ITPK1: variants seen among roughly 807,000 people sequenced by gnomAD.
ITPK1 encodes the protein inositol-tetrakisphosphate 1-kinase, also known as inositol 1,3,4-trisphosphate 5/6-kinase.
A neutral mutation model predicts 45.3 loss-of-function variants in ITPK1; 21 were observed. The observed-to-expected ratio is 0.46, with a 90% CI of 0.33 to 0.67. ITPK1 has a LOEUF of 0.67. Ranked by LOEUF, ITPK1 falls within the 30% of genes least tolerant of loss-of-function variation. ITPK1 has a pLI of 0.02. For missense variants in ITPK1, 474 were observed against 573.5 expected, an observed-to-expected ratio of 0.83 and a Z score of 1.77; for synonymous variants, 258 against 253.6, an observed-to-expected ratio of 1.02 and a Z score of -0.16.
chr14:93,115,192 C>T lies in ITPK1; in HGVS notation c.-29G>A. ...CCTCCTCGGGCGGGGAGCCTGGGTC[C>T]GGAGGAAATCGCCCACAGGCCGAGT... On this transcript the variant is annotated 5_prime_UTR_variant, in exon 2 of 11. Coordinates refer to ENST00000267615, the MANE Select transcript of ITPK1 (RefSeq NM_014216.6). 3 of 1,517,816 alleles carry T rather than the reference C, an allele frequency of 2.0e-6. No individual in the cohort carries two copies. The highest frequency in any genetic ancestry group is 2.7e-6 in the Non-Finnish European group (3 of 1,103,128). 94.0% of individuals were successfully genotyped at this position (1,517,816 alleles called of 1,614,324 possible). A position where few individuals can be genotyped will look rare whatever the true frequency, so the allele number is the denominator to read the frequency against.
chr14:92,964,748 G>GC (rs370043450), intron 5 of ITPK1, among the ~76,000 whole-genome samples: 33 of 152,270 alleles, frequency 2.2e-4, no homozygotes, highest in African/African-American at 6.0e-4. Context: ...ACTCCCTGTG[G>GC]CCCCCCGGAG....
At chr14:93,015,201 A>C (rs1888115562) in intron 4 of ITPK1, among the ~76,000 whole-genome samples, 1 of 152,192 alleles carries the variant, frequency 6.6e-6, no homozygotes, top group Non-Finnish European at 1.5e-5. Flanking sequence ...CTCACCTGAG[A>C]AAGTCAAGAC....
chr14:93,082,875 G>T (rs2139993762), intron 2 of ITPK1, among the ~76,000 whole-genome samples: 1 of 152,334 alleles, frequency 6.6e-6, no homozygotes. Context: ...GGCCAAGAGG[G>T]CTCCAGGAGG....
At position 93,115,216 on chromosome 14, in the gene ITPK1, G is replaced by C. The variant is rs1892893758; in HGVS notation, c.-53C>G. 3.7e-6 allele frequency: 5 copies of C among 1,347,646 alleles called. No individual in the cohort carries two copies. Among genetic ancestry groups the C allele is most frequent in the Middle Eastern group, 1.8e-4 (1 of 5,574 alleles). The allele number at this position is 1,347,646 out of a possible 1,614,324, so 83.5% of individuals were successfully genotyped here. On this transcript the variant is annotated 5_prime_UTR_variant, in exon 2 of 11. Coordinates refer to ENST00000267615, the MANE Select transcript of ITPK1 (RefSeq NM_014216.6). ...CCGGAGGAAATCGCCCACAGGCCGA[G>C]TCTGGCGGCCGGCGCGCGCCGCGAG... is the stretch of plus-strand genomic sequence containing the variant.
intron 2 of ITPK1, among the ~76,000 whole-genome samples, chr14:93,114,785 C>A (rs1213404081): frequency 6.6e-6 from 1 of 152,222 alleles, no homozygotes; most frequent in Non-Finnish European, 1.5e-5. Flanking sequence ...CTCAGTAGAA[C>A]TCCCACCGCG....
chr14:92,941,670 C>T lies in ITPK1; in HGVS notation c.1136G>A (p.Gly379Asp). The T allele has an allele frequency of 1.3e-6, 2 of 1,540,956 alleles. No individual in the cohort carries two copies. Among genetic ancestry groups the T allele is most frequent in the African/African-American group, 1.4e-5 (1 of 73,054 alleles). The part of the protein sequence containing the change: ...DAPWKAEADA[G>D]GTAKLPHQRL... ...CTGGTGCGGCAGCTTGGCGGTGCCG[C>T]CCGCGTCGGCCTCAGCCTTCCAGGG... The change falls in exon 11 of 11, where the codon GGC becomes GAC. Residue 379 changes from glycine to aspartate, a missense_variant. By Grantham distance (94) the Gly-to-Asp change is moderately conservative. Transcript: ENST00000267615.
rs754712269 is a variant in ITPK1, at chr14:92,940,720, G to C, written c.*841C>G. ...ATCTCAAATGTCCACTAGAGACAAG[G>C]GGGTGGAGGCCCAAAGACCTGGAAT... is the stretch of plus-strand genomic sequence containing the variant. On this transcript the variant is annotated 3_prime_UTR_variant, in exon 11 of 11. Coordinates refer to ENST00000267615, the MANE Select transcript of ITPK1 (RefSeq NM_014216.6). The C allele has an allele frequency of 3.0e-4, 391 of 1,288,848 alleles. No homozygotes were observed. The highest frequency in any genetic ancestry group is 3.7e-4 in the Non-Finnish European group (362 of 988,666). 79.8% of individuals were successfully genotyped at this position (1,288,848 alleles called of 1,614,324 possible). A position where few individuals can be genotyped will look rare whatever the true frequency, so the allele number is the denominator to read the frequency against.
intron 2 of ITPK1, among the ~76,000 whole-genome samples, chr14:93,078,340 C>T (rs918398082): frequency 3.3e-5 from 5 of 152,208 alleles, no homozygotes; most frequent in African/African-American, 1.2e-4. Context: ...TCAACACCTT[C>T]TGATAGCAAG....
intron 5 of ITPK1, among the ~76,000 whole-genome samples, chr14:92,984,655 T>C (rs1223275734): frequency 6.6e-6 from 1 of 152,182 alleles, no homozygotes; most frequent in South Asian, 2.1e-4. Flanking sequence ...CTGACACTTT[T>C]CTCTTTTCCT....
intron 2 of ITPK1, among the ~76,000 whole-genome samples, chr14:93,088,892 C>T (rs949927341): frequency 2.0e-5 from 3 of 152,134 alleles, no homozygotes; most frequent in Non-Finnish European, 4.4e-5. Context: ...CTAAACCCAT[C>T]CAAATACCAG....
chr14:93,086,779 C>CA (rs1342724271), intron 2 of ITPK1, among the ~76,000 whole-genome samples: 1 of 152,226 alleles, frequency 6.6e-6, no homozygotes, highest in East Asian at 1.9e-4. Flanking sequence ...GAAGCAAAGG[C>CA]AAAGACCAGG....
At chr14:93,049,395 G>A (rs1889913073) in intron 3 of ITPK1, among the ~76,000 whole-genome samples, 1 of 152,192 alleles carries the variant, frequency 6.6e-6, no homozygotes, top group African/African-American at 2.4e-5. Flanking sequence ...GCCAGCAAGT[G>A]ACATCTGGCT....
rs546360513 is a variant in ITPK1, at chr14:93,073,658, G to A, written c.120+2937C>T. Among the ~76,000 whole-genome samples, 12 of 152,284 alleles carry A rather than the reference G, an allele frequency of 7.9e-5. No individual in the cohort carries two copies. In the East Asian group the frequency reaches 1.2e-3, roughly 15 times the overall value. ...ATAGCAGCCAAAGTCCAGGTAATAA[G>A]AGGAACAGAAGCATTTAGTAAATGG... is the stretch of plus-strand genomic sequence containing the variant. On this transcript the variant is annotated intron_variant, in intron 3 of 10. Transcript: ENST00000267615.
At chr14:93,083,367 A>G (rs1891519302) in intron 2 of ITPK1, among the ~76,000 whole-genome samples, 1 of 152,152 alleles carries the variant, frequency 6.6e-6, no homozygotes, top group African/African-American at 2.4e-5. Flanking sequence ...TTAAAAGGAT[A>G]TGACCTTTCC....
chr14:93,100,765 T>G (rs1174577737), intron 2 of ITPK1, among the ~76,000 whole-genome samples: 1 of 152,186 alleles, frequency 6.6e-6, no homozygotes, highest in Non-Finnish European at 1.5e-5. Flanking sequence ...ATCGACTTAC[T>G]GCTCAGATCA....
intron 3 of ITPK1, among the ~76,000 whole-genome samples, chr14:93,062,784 G>A (rs554760236): frequency 1.8e-3 from 267 of 152,286 alleles, no homozygotes; most frequent in Non-Finnish European, 3.4e-3. Flanking sequence ...CACAGTCAAG[G>A]CCAGGGCCTG....
At chr14:92,986,986 A>T (rs899103949) in intron 5 of ITPK1, among the ~76,000 whole-genome samples, 1 of 152,182 alleles carries the variant, frequency 6.6e-6, no homozygotes, top group African/African-American at 2.4e-5. Context: ...TGCCCTGTCC[A>T]CAGTGCCCAC....
chr14:92,944,859 C>T (rs114287647), intron 10 of ITPK1, among the ~76,000 whole-genome samples: 64 of 152,330 alleles, frequency 4.2e-4, no homozygotes, highest in African/African-American at 1.5e-3. Context: ...ACGATCGTCG[C>T]ACGGGTCTGC....
intron 3 of ITPK1, among the ~76,000 whole-genome samples, chr14:93,074,855 G>A (rs183026466): frequency 2.0e-4 from 30 of 152,096 alleles, no homozygotes; most frequent in Admixed American, 7.9e-4. Context: ...CTCTTTCCAC[G>A]CCTGTACCCC....
Sources: gnomAD v4.1 joint callset for allele counts (sites outside exome capture counted in the v4.1 genomes callset) on GRCh38, gnomAD v4.1.1 for gene constraint, MANE v1.5 for transcripts, NCBI Gene and HGNC (gene_info 2026-07-23, HGNC 2026-07-21) for gene names.